Variants in SCRT2 observed in about 807,000 individuals in gnomAD.
SCRT2 encodes the protein transcriptional repressor scratch 2.
In SCRT2, 2 loss-of-function variants were observed where a neutral mutation model predicts 3.7. The observed-to-expected ratio is 0.54, with a 90% CI of 0.22 to 1.70. The LOEUF (loss-of-function observed/expected upper bound fraction) is 1.70, where lower values mean the gene tolerates loss of function less well. SCRT2 is among the 40% of genes most tolerant of loss of function. SCRT2 has a pLI of 0.19. For synonymous variants in SCRT2, 256 were observed against 220.6 expected (o/e 1.16, Z -1.42); for missense variants, 456 against 468.5 (o/e 0.97, Z 0.25).
In SCRT2 at chr20:663,995, C is replaced by A. The variant is rs778730716; in HGVS notation, c.600G>T (p.Ala200=). 14 of 1,611,362 alleles carry A rather than the reference C, an allele frequency of 8.7e-6. No individual in the cohort carries two copies. The highest frequency in any genetic ancestry group is 1.1e-5 in the Non-Finnish European group (13 of 1,179,642). ...TCGKAYVSMP[A]LAMHLLTHNL... is the part of the protein sequence containing the mutation. Reference sequence around the variant, plus strand: ...TGTGCGTGAGCAGGTGCATGGCGAGCGCGGGCATGGACACGTAGGCCTTGC... The same window carrying A: ...TGTGCGTGAGCAGGTGCATGGCGAGAGCGGGCATGGACACGTAGGCCTTGC... Residue 200 remains alanine (A), a synonymous_variant, in exon 2 of 2, where the codon GCG becomes GCT. Coordinates refer to ENST00000246104, the MANE Select transcript of SCRT2 (RefSeq NM_033129.4). This position sits in a 1 kb window ranked among gnomAD's most constrained non-coding sequence, Gnocchi z 6.9.
At position 663,359 on chromosome 20, in the gene SCRT2, G is replaced by C. The variant is rs1464241155; in HGVS notation, c.*312C>G. On this transcript the variant is annotated 3_prime_UTR_variant, in exon 2 of 2. Coordinates refer to ENST00000246104, the MANE Select transcript of SCRT2 (RefSeq NM_033129.4). The surrounding 1 kb of genome is among the most constrained non-coding windows in gnomAD (Gnocchi z 6.9). ...CGGGGTCTGGGAGGGAGAAATTTCC[G>C]GCTCTGGGGCGCGGGAGAGGTGCGG... 3.0e-6 allele frequency: 1 copy of C among 330,498 alleles called. No individual in the cohort carries two copies. The highest frequency in any genetic ancestry group is 2.2e-5 in the African/African-American group (1 of 46,316). 20.5% of individuals were successfully genotyped at this position (330,498 alleles called of 1,614,324 possible).
Position 675,544 on chromosome 20 carries a change from C to T in SCRT2, c.58G>A (p.Val20Met). 1 of 1,393,328 alleles carries T rather than the reference C, an allele frequency of 7.2e-7. No individual in the cohort carries two copies. The highest frequency in any genetic ancestry group is 2.8e-5 in the East Asian group (1 of 35,824). 86.3% of individuals were successfully genotyped at this position (1,393,328 alleles called of 1,614,324 possible). The stretch of plus-strand genomic sequence containing the variant: ...AAGGGGTGGTAGGTGGGGGCCGGCA[C>T]CCCGCTGCACTGGAAGCCGTCCCCT... ...IKGDGFQCSG[V>M]PAPTYHPLET... The change falls in exon 1 of 2, where the codon GTG (valine) becomes ATG (methionine). Residue 20 changes from valine to methionine, a missense_variant. Physicochemically the swap from Val to Met is conservative, Grantham distance 21. Transcript: ENST00000246104. The surrounding 1 kb of genome is among the most constrained non-coding windows in gnomAD (Gnocchi z 6.9).
At chr20:669,954 C>G (rs988151163) in intron 1 of SCRT2, among the ~76,000 whole-genome samples, 2 of 152,218 alleles carry the variant, frequency 1.3e-5, no homozygotes, top group Admixed American at 1.3e-4. Flanking sequence ...TCTGGCCCAA[C>G]ATGACCAACG....
intron 1 of SCRT2, among the ~76,000 whole-genome samples, chr20:672,269 C>T (rs1445078774): frequency 6.6e-6 from 1 of 152,098 alleles, no homozygotes; most frequent in Non-Finnish European, 1.5e-5. Flanking sequence ...CTCCCCTTCC[C>T]TGTTTAGGAG....
rs543470027 is a variant in SCRT2, at chr20:666,979, A to G, written c.134-2518T>C. The stretch of plus-strand genomic sequence containing the variant: ...TCACGTAACCAGTGCTTTGAGTTCT[A>G]TTATTAAAGGATGACATATTGGATA... On this transcript the variant is annotated intron_variant, in intron 1 of 1. Coordinates refer to ENST00000246104, the MANE Select transcript of SCRT2 (RefSeq NM_033129.4). This position sits in a 1 kb window ranked among gnomAD's most constrained non-coding sequence, Gnocchi z 4.4. Among the ~76,000 whole-genome samples, 8 of 152,184 alleles carry G rather than the reference A, an allele frequency of 5.3e-5. No individual in the cohort carries two copies. The South Asian group carries it at 8.3e-4, about 16-fold the overall frequency.
rs1197974533 is a variant in SCRT2 at position 664,359 on chromosome 20, T to A, written c.236A>T (p.Glu79Val). The stretch of plus-strand genomic sequence containing the variant: ...CGGGCTTTCGGGGTCGCTGTACTCC[T>A]CCGGCGCCGCCGGCGGGTACGCGGG... ...AEPAYPPAAP[E>V]EYSDPESPQS... Residue 79 changes from glutamate to valine, a missense_variant, in exon 2 of 2, where the codon GAG becomes GTG. Physicochemically the swap from Glu to Val is moderately radical, Grantham distance 121. Transcript: ENST00000246104. This position sits in a 1 kb window ranked among gnomAD's most constrained non-coding sequence, Gnocchi z 7.9. 6.8e-7 allele frequency: 1 copy of A among 1,462,722 alleles called. No homozygotes were observed. The highest frequency in any genetic ancestry group is 9.1e-7 in the Non-Finnish European group (1 of 1,095,330). The allele number at this position is 1,462,722 out of a possible 1,614,324, so 90.6% of individuals were successfully genotyped here.
chr20:667,178 C>T lies in SCRT2; in HGVS notation c.134-2717G>A, dbSNP rs758551931. Among the ~76,000 whole-genome samples, 5 of 152,182 alleles carry T rather than the reference C, an allele frequency of 3.3e-5. No homozygotes were observed. Among genetic ancestry groups the T allele is most frequent in the Non-Finnish European group, 7.3e-5 (5 of 68,030 alleles). ...CAGCACTCTCAGAGCACTCCTGTGT[C>T]AGGCACTCTTACAAGGGCTTTCCAC... On this transcript the variant is annotated intron_variant, in intron 1 of 1. Transcript: ENST00000246104. The surrounding 1 kb of genome is among the most constrained non-coding windows in gnomAD (Gnocchi z 4.4).
intron 1 of SCRT2, among the ~76,000 whole-genome samples, chr20:670,690 C>A (rs1460029026): frequency 6.6e-6 from 1 of 152,096 alleles, no homozygotes; most frequent in Non-Finnish European, 1.5e-5. Context: ...CCAGAGAGTG[C>A]CTTTGGGATG....
Position 663,399 on chromosome 20 carries a change from T to C in SCRT2, c.*272A>G, listed in dbSNP as rs1984023880. On this transcript the variant is annotated 3_prime_UTR_variant, in exon 2 of 2. Coordinates refer to ENST00000246104, the MANE Select transcript of SCRT2 (RefSeq NM_033129.4). The surrounding 1 kb of genome is among the most constrained non-coding windows in gnomAD (Gnocchi z 6.9). ...GAGAGGTGCGGACCTGGTGCCTGAG[T>C]TGGGAGCCTTGAAGGCGCGGACAGG... 8.4e-6 allele frequency: 3 copies of C among 357,872 alleles called. No homozygotes were observed. Among genetic ancestry groups the C allele is most frequent in the Non-Finnish European group, 1.5e-5 (3 of 201,994 alleles). 22.2% of individuals were successfully genotyped at this position (357,872 alleles called of 1,614,324 possible). A position where few individuals can be genotyped will look rare whatever the true frequency, so the allele number is the denominator to read the frequency against.
chr20:675,763 T>TGGCGGCGGC lies in SCRT2; in HGVS notation c.-171_-163dup, dbSNP rs61589065. The TGGCGGCGGC allele has an allele frequency of 7.6e-6, 2 of 263,132 alleles. No individual in the cohort carries two copies. The highest frequency in any genetic ancestry group is 6.6e-6 in the Non-Finnish European group (1 of 151,658). The allele number at this position is 263,132 out of a possible 1,614,324, so 16.3% of individuals were successfully genotyped here. On this transcript the variant is annotated 5_prime_UTR_variant, in exon 1 of 2. Transcript: ENST00000246104. The surrounding 1 kb of genome is among the most constrained non-coding windows in gnomAD (Gnocchi z 6.9). ...GGCGGCCCCGGCTCGGGCTCGGGCT[T>TGGCGGCGGC]GGCGGCGGCGGCGCGCAGACAGGGG...
In SCRT2 at chr20:663,941, G is replaced by A. The variant is rs370562386; in HGVS notation, c.654C>T (p.Gly218=). ...GCAGCCAGGGCCGCGAGAAGGCCTT[G>A]CCGCAGACGCCGCACTTGTGGCGCA... ...HNLRHKCGVC[G]KAFSRPWLLQ... Residue 218 remains glycine (G), a synonymous_variant, in exon 2 of 2, where the codon GGC becomes GGT. Coordinates refer to ENST00000246104, the MANE Select transcript of SCRT2 (RefSeq NM_033129.4). The surrounding 1 kb of genome is among the most constrained non-coding windows in gnomAD (Gnocchi z 6.9). The A allele has an allele frequency of 6.2e-6, 10 of 1,608,838 alleles. No homozygotes were observed. In the African/African-American group the frequency reaches 1.2e-4, roughly 19 times the overall value.
At position 675,310 on chromosome 20, in the gene SCRT2, G is replaced by T. The variant is rs752096403; in HGVS notation, c.133+159C>A. Among the ~76,000 whole-genome samples the T allele has an allele frequency of 6.6e-6, 1 of 152,024 alleles. No individual in the cohort carries two copies. The highest frequency in any genetic ancestry group is 1.5e-5 in the Non-Finnish European group (1 of 67,980). ...GTACGACCTAGCCCCTGCCCCGCCC[G>T]CACGGCCCTTGGAAAGCCCGGGAGG... On this transcript the variant is annotated intron_variant, in intron 1 of 1. Transcript: ENST00000246104. This position sits in a 1 kb window ranked among gnomAD's most constrained non-coding sequence, Gnocchi z 6.9.
Position 675,755 on chromosome 20 carries a change from C to A in SCRT2, c.-154G>T, listed in dbSNP as rs13045130. 1 of 340,150 alleles carries A rather than the reference C, an allele frequency of 2.9e-6. No homozygotes were observed. Among genetic ancestry groups the A allele is most frequent in the Non-Finnish European group, 4.6e-6 (1 of 218,254 alleles). The allele number at this position is 340,150 out of a possible 1,614,324, so 21.1% of individuals were successfully genotyped here. A position where few individuals can be genotyped will look rare whatever the true frequency, so the allele number is the denominator to read the frequency against. ...CCGGTGGCGGCGGCCCCGGCTCGGG[C>A]TCGGGCTTGGCGGCGGCGGCGCGCA... is the stretch of plus-strand genomic sequence containing the variant. On this transcript the variant is annotated 5_prime_UTR_variant, in exon 1 of 2. Coordinates refer to ENST00000246104, the MANE Select transcript of SCRT2 (RefSeq NM_033129.4). The surrounding 1 kb of genome is among the most constrained non-coding windows in gnomAD (Gnocchi z 6.9).
At position 667,481 on chromosome 20, in the gene SCRT2, T is replaced by C. The variant is rs1294877510; in HGVS notation, c.134-3020A>G. ...GTGCTGCTCCTCTCTGGGCCTCTGT[T>C]TCCTCACCCGGGATGTGTAATTTCT... On this transcript the variant is annotated intron_variant, in intron 1 of 1. Coordinates refer to ENST00000246104, the MANE Select transcript of SCRT2 (RefSeq NM_033129.4). The surrounding 1 kb of genome is among the most constrained non-coding windows in gnomAD (Gnocchi z 4.4). Among the ~76,000 whole-genome samples, 2 of 152,190 alleles carry C rather than the reference T, an allele frequency of 1.3e-5. No homozygotes were observed. Among genetic ancestry groups the C allele is most frequent in the Non-Finnish European group, 2.9e-5 (2 of 68,020 alleles).
chr20:675,354 TCTC>T lies in SCRT2; in HGVS notation c.133+112_133+114del. On this transcript the variant is annotated intron_variant, in intron 1 of 1. Transcript: ENST00000246104. This position sits in a 1 kb window ranked among gnomAD's most constrained non-coding sequence, Gnocchi z 6.9. ...CGGGAGGAGCCCACGGCCAGAGAGA[TCTC>T]CTCCCGGGGGTTTCCTGTCGCACGC... The T allele has an allele frequency of 1.1e-6, 1 of 895,130 alleles. No homozygotes were observed. Among genetic ancestry groups the T allele is most frequent in the South Asian group, 5.0e-5 (1 of 19,904 alleles). The allele number at this position is 895,130 out of a possible 1,614,324, so 55.4% of individuals were successfully genotyped here.
At position 675,413 on chromosome 20, in the gene SCRT2, C is replaced by T. The variant is rs6053839; in HGVS notation, c.133+56G>A. 0.25 allele frequency: 308,595 copies of T among 1,250,372 alleles called. 39,162 individuals carry two copies. The highest frequency in any genetic ancestry group is 0.34 in the African/African-American group (21,851 of 64,296). 77.5% of individuals were successfully genotyped at this position (1,250,372 alleles called of 1,614,324 possible). On this transcript the variant is annotated intron_variant, in intron 1 of 1. Coordinates refer to ENST00000246104, the MANE Select transcript of SCRT2 (RefSeq NM_033129.4). The surrounding 1 kb of genome is among the most constrained non-coding windows in gnomAD (Gnocchi z 6.9). ...TCCTCGTGGCCCAAGCTGGGGAGGG[C>T]CCCAGCTCCCCTCGCCTCTTCTCCC...
rs756029707 is a variant in SCRT2 at position 664,630 on chromosome 20, A to G, written c.134-169T>C. 5.3e-5 allele frequency among the ~76,000 whole-genome samples: 8 copies of G among 152,156 alleles called. No individual in the cohort carries two copies. Among genetic ancestry groups the G allele is most frequent in the Admixed American group, 1.3e-4 (2 of 15,264 alleles). ...CTTCCTGTCAGGCAGCCTGGGTTCA[A>G]TTCCTTCCTCCATCGACGGCAGTGC... On this transcript the variant is annotated intron_variant, in intron 1 of 1. Transcript: ENST00000246104. The surrounding 1 kb of genome is among the most constrained non-coding windows in gnomAD (Gnocchi z 7.9).
At position 662,839 on chromosome 20, in the gene SCRT2, A is replaced by G. The variant is rs1984002951; in HGVS notation, c.*832T>C. On this transcript the variant is annotated 3_prime_UTR_variant, in exon 2 of 2. Coordinates refer to ENST00000246104, the MANE Select transcript of SCRT2 (RefSeq NM_033129.4). Reference sequence around the variant, plus strand: ...TGTGCCGGGGTGAGAGAGGGGTTACATTAGGGGGCAGGGCCCTGAAGTGCC... The same window carrying G: ...TGTGCCGGGGTGAGAGAGGGGTTACGTTAGGGGGCAGGGCCCTGAAGTGCC... 6.5e-6 allele frequency: 1 copy of G among 152,714 alleles called. No individual in the cohort carries two copies. Among genetic ancestry groups the G allele is most frequent in the South Asian group, 2.1e-4 (1 of 4,824 alleles). 9.5% of individuals were successfully genotyped at this position (152,714 alleles called of 1,614,324 possible).
At chr20:669,642 A>G (rs1288533028) in intron 1 of SCRT2, among the ~76,000 whole-genome samples, 2 of 152,222 alleles carry the variant, frequency 1.3e-5, no homozygotes. Flanking sequence ...CTGTATGGGT[A>G]TATTTAGAGC....
Sources: allele counts gnomAD v4.1 joint callset (sites outside exome capture counted in the v4.1 genomes callset), GRCh38; gene constraint gnomAD v4.1.1; non-coding constraint Gnocchi (gnomAD v3.1); transcripts MANE v1.5; gene names NCBI Gene and HGNC (gene_info 2026-07-23, HGNC 2026-07-21).